DAB1: variants seen among roughly 807,000 people sequenced by gnomAD.
The protein encoded by DAB1 is disabled homolog 1.
Under a neutral mutation model 64.6 loss-of-function variants are expected in DAB1, and 15 were observed. The ratio of observed to expected loss-of-function variants is 0.23; its 90% CI spans 0.16 to 0.36. DAB1 has a LOEUF of 0.36. DAB1 is among the 10% of genes least tolerant of loss of function. The probability of loss-of-function intolerance (pLI) is 1.00; values close to 1 mark genes in which losing one functional copy is unlikely to be tolerated. For missense variants in DAB1, 596 were observed against 706.7 expected, an observed-to-expected ratio of 0.84 and a Z score of 1.78; for synonymous variants, 235 against 251.9, an observed-to-expected ratio of 0.93 and a Z score of 0.64.
chr1:58,108,325 A>G (rs1350035125), intron 5 of DAB1, among the ~76,000 whole-genome samples: 2 of 152,158 alleles, frequency 1.3e-5, no homozygotes, highest in African/African-American at 4.8e-5. Flanking sequence ...GAATTGAGAG[A>G]TACCACCCTT....
chr1:57,244,102 G>A (rs995965243), intron 2 of DAB1, among the ~76,000 whole-genome samples: 3 of 151,990 alleles, frequency 2.0e-5, no homozygotes, highest in African/African-American at 7.3e-5. Context: ...CTCTTTTTGT[G>A]TATTCTCTCT....
intron 4 of DAB1, among the ~76,000 whole-genome samples, chr1:57,087,289 G>C (rs1472341514): frequency 6.6e-6 from 1 of 152,250 alleles, no homozygotes; most frequent in Non-Finnish European, 1.5e-5. Context: ...CAAGTTCTCA[G>C]AGAGATGGAG....
At chr1:57,582,270 G>A (rs947281199) in intron 7 of DAB1, among the ~76,000 whole-genome samples, 8 of 152,144 alleles carry the variant, frequency 5.3e-5, no homozygotes, top group Admixed American at 1.3e-4. Flanking sequence ...GAAGGCAAAC[G>A]GGAAGCAAGG....
chr1:57,403,314 C>A (rs1465773551), intron 1 of DAB1, among the ~76,000 whole-genome samples: 1 of 152,146 alleles, frequency 6.6e-6, no homozygotes, highest in Non-Finnish European at 1.5e-5. Flanking sequence ...TCGCTGGTGG[C>A]CATCAGTGCC....
chr1:57,024,857 C>T (rs936793262), intron 10 of DAB1, among the ~76,000 whole-genome samples: 12 of 152,214 alleles, frequency 7.9e-5, no homozygotes, highest in African/African-American at 1.4e-4. Flanking sequence ...GAATGACAAT[C>T]GCTAGAGCCA....
chr1:57,337,262 TATG>T (rs1677156860), intron 1 of DAB1, among the ~76,000 whole-genome samples: 2 of 152,372 alleles, frequency 1.3e-5, no homozygotes, highest in East Asian at 3.9e-4. Context: ...CAGATTCTTT[TATG>T]ATATTATAAA....
intron 2 of DAB1, among the ~76,000 whole-genome samples, chr1:58,513,289 T>C (rs946770654): frequency 2.6e-5 from 4 of 152,202 alleles, no homozygotes; most frequent in African/African-American, 9.6e-5. Context: ...ACCATGATTA[T>C]AAGTTTCCTG....
At chr1:57,924,528 C>T (rs549234328) in intron 5 of DAB1, among the ~76,000 whole-genome samples, 4 of 152,010 alleles carry the variant, frequency 2.6e-5, no homozygotes, top group South Asian at 2.1e-4. Flanking sequence ...GGCACAATCT[C>T]GGCTCACTGC....
chr1:57,109,313 A>G (rs1199997860), intron 4 of DAB1, among the ~76,000 whole-genome samples: 1 of 152,104 alleles, frequency 6.6e-6, no homozygotes, highest in East Asian at 1.9e-4. Context: ...CTGGCACCCA[A>G]TTTATGACAT....
intron 4 of DAB1, among the ~76,000 whole-genome samples, chr1:58,163,239 G>A (rs907354399): frequency 5.3e-5 from 8 of 152,180 alleles, no homozygotes; most frequent in South Asian, 2.1e-4. Context: ...AAAGGATAGC[G>A]TTGTAACTAA....
chr1:57,587,172 A>G (rs1010320078), intron 7 of DAB1, among the ~76,000 whole-genome samples: 2 of 152,180 alleles, frequency 1.3e-5, no homozygotes, highest in Admixed American at 6.5e-5. Flanking sequence ...ATGAGTAAAA[A>G]TCTTGCTCAC....
intron 2 of DAB1, among the ~76,000 whole-genome samples, chr1:57,272,312 C>T (rs908470109): frequency 2.6e-5 from 4 of 152,192 alleles, no homozygotes; most frequent in African/African-American, 9.7e-5. Context: ...GGCAGGAAAG[C>T]TGAAGTGGGT....
intron 7 of DAB1, among the ~76,000 whole-genome samples, chr1:57,457,857 G>A (rs1228462422): frequency 2.0e-5 from 3 of 152,064 alleles, no homozygotes; most frequent in Non-Finnish European, 1.5e-5. Flanking sequence ...ATTGTCCAAG[G>A]AGCCAATGAG....
chr1:57,511,146 T>G (rs1644400571), intron 7 of DAB1, among the ~76,000 whole-genome samples: 2 of 152,210 alleles, frequency 1.3e-5, no homozygotes, highest in African/African-American at 4.8e-5. Context: ...CTAGACCCTC[T>G]AAAATCTATG....
intron 3 of DAB1, among the ~76,000 whole-genome samples, chr1:58,447,092 G>A (rs1311706462): frequency 6.6e-6 from 1 of 152,202 alleles, no homozygotes; most frequent in Non-Finnish European, 1.5e-5. Context: ...TCAGTGGCCA[G>A]GTGGCCAGAT....
chr1:57,423,252 G>T (rs1278410002), intron 1 of DAB1, among the ~76,000 whole-genome samples: 1 of 151,882 alleles, frequency 6.6e-6, no homozygotes, highest in Non-Finnish European at 1.5e-5. Context: ...AGCTGGGCGT[G>T]GGGGGAGGGG....
chr1:58,155,704 G>A (rs1301171852), intron 4 of DAB1, among the ~76,000 whole-genome samples: 6 of 152,226 alleles, frequency 3.9e-5, no homozygotes, highest in Non-Finnish European at 5.9e-5. Flanking sequence ...TGACATGACC[G>A]TAGATACAGG....
At chr1:57,940,087 AC>A (rs2102050160) in intron 5 of DAB1, among the ~76,000 whole-genome samples, 1 of 152,316 alleles carries the variant, frequency 6.6e-6, no homozygotes, top group Admixed American at 6.5e-5. Context: ...AGGAAGTAGA[AC>A]TCCAGGAAAT....
chr1:58,096,504 G>A (rs187266297), intron 5 of DAB1, among the ~76,000 whole-genome samples: 26 of 152,288 alleles, frequency 1.7e-4, no homozygotes, highest in South Asian at 1.0e-3. Context: ...TTATTTACAC[G>A]TCTGTTAATG....
Sources: allele counts gnomAD v4.1 joint callset (sites outside exome capture counted in the v4.1 genomes callset), GRCh38; gene constraint gnomAD v4.1.1; transcripts MANE v1.5; gene names NCBI Gene and HGNC (gene_info 2026-07-23, HGNC 2026-07-21).